The following FSIP1 variants were observed in gnomAD, a reference collection of about 807,000 sequenced individuals.
FSIP1 encodes fibrous sheath-interacting protein 1.
Under a neutral mutation model 60.9 loss-of-function variants are expected in FSIP1, and 65 were observed. That is an observed-to-expected ratio of 1.07 (90% CI 0.87 to 1.31). The LOEUF (loss-of-function observed/expected upper bound fraction) is 1.31, where lower values mean the gene tolerates loss of function less well. FSIP1 is among the 40% of genes most tolerant of loss of function. The pLI is 0.00. For missense variants in FSIP1, 675 were observed against 665.5 expected (o/e 1.01, Z -0.16); for synonymous variants, 209 against 221.2 (o/e 0.94, Z 0.49).
At chr15:39,741,064 T>C (rs1220960830) in intron 6 of FSIP1, among the ~76,000 whole-genome samples, 2 of 152,186 alleles carry the variant, frequency 1.3e-5, no homozygotes, top group Non-Finnish European at 2.9e-5. Context: ...ATACAAAATA[T>C]AACACTTCTT....
intron 10 of FSIP1, among the ~76,000 whole-genome samples, chr15:39,625,874 G>C (rs949546026): frequency 6.6e-6 from 1 of 152,192 alleles, no homozygotes; most frequent in Non-Finnish European, 1.5e-5. Flanking sequence ...GATCCAGTTT[G>C]TTACTTTAGA....
intron 10 of FSIP1, among the ~76,000 whole-genome samples, chr15:39,636,063 CA>C (rs1168504598): frequency 6.6e-6 from 1 of 152,136 alleles, no homozygotes; most frequent in Non-Finnish European, 1.5e-5. Context: ...ATATCCCCTC[CA>C]ACAATATTAT....
At chr15:39,736,729 C>G (rs1386836703) in intron 8 of FSIP1, among the ~76,000 whole-genome samples, 1 of 152,184 alleles carries the variant, frequency 6.6e-6, no homozygotes, top group African/African-American at 2.4e-5. Flanking sequence ...GATTCTTGTT[C>G]AAGTAATTCA....
At chr15:39,762,021 C>T (rs1264157344) in intron 5 of FSIP1, among the ~76,000 whole-genome samples, 3 of 152,136 alleles carry the variant, frequency 2.0e-5, no homozygotes, top group South Asian at 2.1e-4. Flanking sequence ...ATGCCTGGAG[C>T]AGGTCAGGGG....
At chr15:39,691,636 TGATAA>T (rs1894604701) in intron 10 of FSIP1, among the ~76,000 whole-genome samples, 1 of 152,216 alleles carries the variant, frequency 6.6e-6, no homozygotes, top group Non-Finnish European at 1.5e-5. Flanking sequence ...AGAGAGATCC[TGATAA>T]GATAAAGATG....
At chr15:39,660,888 C>T (rs903107351) in intron 10 of FSIP1, among the ~76,000 whole-genome samples, 1 of 152,036 alleles carries the variant, frequency 6.6e-6, no homozygotes, top group Non-Finnish European at 1.5e-5. Flanking sequence ...AATGGTGAAA[C>T]CCCATCTCTA....
Position 39,741,875 on chromosome 15 carries a change from G to C in FSIP1, c.585C>G (p.Thr195=). Residue 195 remains threonine (T), a synonymous_variant, in exon 6 of 12, where the codon ACC becomes ACG. Coordinates refer to ENST00000350221, the MANE Select transcript of FSIP1 (RefSeq NM_152597.5). ...TTTGAGTATGAAACACTGAGGAAAA[G>C]GTGTCTTCCTCCTCATGAGAAGGAC... is the stretch of plus-strand genomic sequence containing the variant. ...TVGPSHEEED[T]FSSVFHTQIP... 9 of 1,600,414 alleles carry C rather than the reference G, an allele frequency of 5.6e-6. No homozygotes were observed. Among genetic ancestry groups the C allele is most frequent in the East Asian group, 2.2e-5 (1 of 44,700 alleles).
At chr15:39,767,411 A>G (rs1473311425) in intron 3 of FSIP1, among the ~76,000 whole-genome samples, 1 of 152,222 alleles carries the variant, frequency 6.6e-6, no homozygotes, top group African/African-American at 2.4e-5. Flanking sequence ...AGCTAATTTC[A>G]ATTATAATAT....
At chr15:39,716,753 C>A (rs560214449) in intron 9 of FSIP1, among the ~76,000 whole-genome samples, 1 of 150,408 alleles carries the variant, frequency 6.6e-6, no homozygotes, top group Admixed American at 6.6e-5. Flanking sequence ...AACAGGGACT[C>A]TCTTACATTG....
rs150422454 is a variant in FSIP1 at position 39,635,132 on chromosome 15, G to A, written c.1189-16887C>T. ...GGGCGGATCACAAGGTCAGAAGATT[G>A]AAACCATCCTGGCCAACATGGTGAA... On this transcript the variant is annotated intron_variant, in intron 10 of 11. Transcript: ENST00000350221. Among the ~76,000 whole-genome samples, 674 of 152,234 alleles carry A rather than the reference G, an allele frequency of 4.4e-3. 7 individuals carry two copies. The highest frequency in any genetic ancestry group is 0.015 in the African/African-American group (639 of 41,542).
intron 9 of FSIP1, among the ~76,000 whole-genome samples, chr15:39,720,673 T>C (rs1471843363): frequency 6.6e-6 from 1 of 152,242 alleles, no homozygotes; most frequent in Non-Finnish European, 1.5e-5. Context: ...CTTAGATATT[T>C]CTGGAGAGAA....
intron 10 of FSIP1, among the ~76,000 whole-genome samples, chr15:39,655,754 C>T (rs879544009): frequency 2.6e-5 from 4 of 152,068 alleles, no homozygotes; most frequent in Admixed American, 6.5e-5. Flanking sequence ...GAGGAAGGTG[C>T]GTGGGTCAAC....
intron 5 of FSIP1, among the ~76,000 whole-genome samples, chr15:39,754,380 T>C (rs371124569): frequency 4.6e-5 from 7 of 152,176 alleles, no homozygotes; most frequent in East Asian, 3.9e-4. Flanking sequence ...TATAAATGTT[T>C]GTTGGCTTAG....
chr15:39,705,876 T>C (rs1419640727), intron 10 of FSIP1, among the ~76,000 whole-genome samples: 1 of 151,682 alleles, frequency 6.6e-6, no homozygotes, highest in Non-Finnish European at 1.5e-5. Context: ...TGCATGCCTG[T>C]AGTCCCAGCT....
At chr15:39,611,204 T>C (rs1891016260) in intron 11 of FSIP1, among the ~76,000 whole-genome samples, 1 of 152,250 alleles carries the variant, frequency 6.6e-6, no homozygotes, top group African/African-American at 2.4e-5. Context: ...ATGTAAAATT[T>C]ACATCTAAAT....
intron 9 of FSIP1, among the ~76,000 whole-genome samples, chr15:39,724,449 G>C (rs146933667): frequency 1.3e-5 from 2 of 151,670 alleles, no homozygotes; most frequent in Non-Finnish European, 2.9e-5. Flanking sequence ...AGACAGGGTT[G>C]CACCGTGTTA....
intron 10 of FSIP1, among the ~76,000 whole-genome samples, chr15:39,701,928 T>C (rs566159486): frequency 6.6e-6 from 1 of 152,328 alleles, no homozygotes; most frequent in East Asian, 1.9e-4. Context: ...TCCAGAGAGA[T>C]TTCCCTTTCC....
At chr15:39,615,771 G>A (rs1207121078) in intron 11 of FSIP1, among the ~76,000 whole-genome samples, 18 of 149,884 alleles carry the variant, frequency 1.2e-4, no homozygotes, top group Non-Finnish European at 1.8e-4. Context: ...GTGGAGAGTA[G>A]AATGGCAGTT....
intron 11 of FSIP1, among the ~76,000 whole-genome samples, chr15:39,610,522 T>C (rs979740761): frequency 2.6e-5 from 4 of 152,086 alleles, no homozygotes; most frequent in African/African-American, 9.7e-5. Flanking sequence ...AAAAATTTGC[T>C]GGGCATGGTG....
Sources: allele counts gnomAD v4.1 joint callset (sites outside exome capture counted in the v4.1 genomes callset), GRCh38; gene constraint gnomAD v4.1.1; transcripts MANE v1.5; gene names NCBI Gene and HGNC (gene_info 2026-07-23, HGNC 2026-07-21).